Variants in MYO9A observed in about 807,000 individuals in gnomAD.
MYO9A encodes unconventional myosin-IXa.
A neutral mutation model predicts 293.3 loss-of-function variants in MYO9A; 103 were observed. That is an observed-to-expected ratio of 0.35 (90% CI 0.30 to 0.41). The LOEUF is 0.41. MYO9A is among the 10% of genes least tolerant of loss of function. The probability of loss-of-function intolerance (pLI) is 1.00; values close to 1 mark genes in which losing one functional copy is unlikely to be tolerated. For missense variants in MYO9A, 2,685 were observed against 3,033.0 expected (o/e 0.89, Z 2.69); for synonymous variants, 1,001 against 1,035.7 (o/e 0.97, Z 0.64).
intron 8 of MYO9A, among the ~76,000 whole-genome samples, chr15:72,002,391 A>T (rs759857390): frequency 2.6e-5 from 4 of 151,742 alleles, no homozygotes; most frequent in Non-Finnish European, 4.4e-5. Flanking sequence ...GGGATTAGAG[A>T]CGGGGTTTCA....
intron 1 of MYO9A, among the ~76,000 whole-genome samples, chr15:72,082,679 T>C (rs998835070): frequency 1.3e-5 from 2 of 152,002 alleles, no homozygotes; most frequent in African/African-American, 2.4e-5. Context: ...TGTGGGTCTG[T>C]CTTATTATTT....
intron 41 of MYO9A, among the ~76,000 whole-genome samples, chr15:71,827,658 A>ATTATATTTCTTATCCCC (rs754724067): frequency 1.3e-5 from 2 of 151,974 alleles, no homozygotes; most frequent in Non-Finnish European, 2.9e-5. Context: ...AGCAAAGACA[A>ATTATATTTCTTATCCCC]TTATATTTCT....
chr15:71,978,777 CTTT>C (rs11414149), intron 11 of MYO9A, among the ~76,000 whole-genome samples: 1 of 146,588 alleles, frequency 6.8e-6, no homozygotes, highest in Non-Finnish European at 1.5e-5. Context: ...ATCTTTAGGA[CTTT>C]TTTTTTTTTT....
At chr15:72,075,186 A>G in intron 1 of MYO9A, among the ~76,000 whole-genome samples, 1 of 151,804 alleles carries the variant, frequency 6.6e-6, no homozygotes, top group East Asian at 1.9e-4. Flanking sequence ...GGTTGGTCTC[A>G]AACTCCTGAC....
chr15:72,044,852 G>T (rs147323921), intron 2 of MYO9A, among the ~76,000 whole-genome samples: 272 of 152,156 alleles, frequency 1.8e-3, no homozygotes, highest in African/African-American at 5.8e-3. Context: ...CTTATAGGGG[G>T]ATATACAATG....
At chr15:71,852,299 A>T (rs767944377) in intron 35 of MYO9A, 39 bp from the exon 36 acceptor site, 4 of 1,553,972 alleles carry the variant, frequency 2.6e-6, no homozygotes, top group Non-Finnish European at 1.8e-6. Context: ...GAGCCAAAAC[A>T]TGCAAAGAGA....
intron 1 of MYO9A, among the ~76,000 whole-genome samples, chr15:72,049,151 T>C (rs1338486153): frequency 6.6e-6 from 1 of 152,208 alleles, no homozygotes; most frequent in East Asian, 1.9e-4. Context: ...CTTTTGTTTT[T>C]CATACAAACA....
At chr15:71,874,519 A>G (rs932640349) in intron 32 of MYO9A, among the ~76,000 whole-genome samples, 2 of 152,224 alleles carry the variant, frequency 1.3e-5, no homozygotes, top group African/African-American at 4.8e-5. Context: ...TTTGGGTTTC[A>G]TTCTGACAAA....
At chr15:71,846,625 G>GA (rs890288860) in intron 39 of MYO9A, among the ~76,000 whole-genome samples, 1 of 152,204 alleles carries the variant, frequency 6.6e-6, no homozygotes, top group African/African-American at 2.4e-5. Context: ...TGACAGGCTG[G>GA]AGTTAAGAGG....
At chr15:71,903,594 A>C (rs930910815) in intron 21 of MYO9A, among the ~76,000 whole-genome samples, 9 of 152,334 alleles carry the variant, frequency 5.9e-5, no homozygotes, top group African/African-American at 1.7e-4. Context: ...AACCAAATAG[A>C]ATCTTTTCAC....
intron 32 of MYO9A, among the ~76,000 whole-genome samples, chr15:71,875,401 CAA>C (rs2056653862): frequency 6.6e-6 from 1 of 151,998 alleles, no homozygotes; most frequent in African/African-American, 2.4e-5. Flanking sequence ...TAAACATGAA[CAA>C]TGATAAAATT....
intron 7 of MYO9A, among the ~76,000 whole-genome samples, chr15:72,008,840 T>C (rs1421549453): frequency 1.3e-5 from 2 of 152,152 alleles, no homozygotes. Context: ...ATGCAGTTAT[T>C]TTCTTAGAAT....
chr15:72,029,101 C>T (rs2077778970), intron 3 of MYO9A, among the ~76,000 whole-genome samples: 3 of 152,160 alleles, frequency 2.0e-5, no homozygotes, highest in Non-Finnish European at 4.4e-5. Flanking sequence ...AGTGAGTACA[C>T]AGCACAGAGT....
chr15:71,824,903 G>GTGTT lies in MYO9A; in HGVS notation c.*1673_*1676dup, dbSNP rs1397630001. Reference sequence around the variant, plus strand: ...CACTGAGGCAGTGGCGTGAGGTTCAGTGTTGTGTAACAGGAGAGAGAGACT... The same window carrying GTGTT: ...CACTGAGGCAGTGGCGTGAGGTTCAGTGTTTGTTGTGTAACAGGAGAGAGAGACT... On this transcript the variant is annotated 3_prime_UTR_variant, in exon 42 of 42. Transcript: ENST00000356056. 5.3e-5 allele frequency: 8 copies of GTGTT among 152,178 alleles called. No individual in the cohort carries two copies. The highest frequency in any genetic ancestry group is 1.9e-4 in the African/African-American group (8 of 41,440). The allele number at this position is 152,178 out of a possible 1,614,324, so 9.4% of individuals were successfully genotyped here.
At chr15:72,111,634 C>T (rs1396064070) in intron 1 of MYO9A, among the ~76,000 whole-genome samples, 1 of 103,382 alleles carries the variant, frequency 9.7e-6, no homozygotes, top group Admixed American at 1.2e-4. Context: ...AAATATTACC[C>T]CCAATTTTTT....
At chr15:72,101,222 C>T (rs1349176258) in intron 1 of MYO9A, among the ~76,000 whole-genome samples, 1 of 127,700 alleles carries the variant, frequency 7.8e-6, no homozygotes, top group African/African-American at 3.0e-5. Context: ...CCCGGCCAGC[C>T]GCCCCGTCCG....
At chr15:71,947,586 C>A (rs1322343239) in intron 15 of MYO9A, among the ~76,000 whole-genome samples, 2 of 152,172 alleles carry the variant, frequency 1.3e-5, no homozygotes, top group African/African-American at 2.4e-5. Flanking sequence ...GAGGGTTTCC[C>A]AGATATATCT....
At chr15:72,048,689 A>G (rs945263679) in intron 1 of MYO9A, among the ~76,000 whole-genome samples, 9 of 152,174 alleles carry the variant, frequency 5.9e-5, no homozygotes, top group Non-Finnish European at 1.2e-4. Context: ...GTTCTTTACA[A>G]ATTTTACCTT....
chr15:72,021,288 C>A (rs572636088), intron 4 of MYO9A, among the ~76,000 whole-genome samples: 1 of 152,270 alleles, frequency 6.6e-6, no homozygotes, highest in South Asian at 2.1e-4. Context: ...AGAAATCTGG[C>A]AAATCTGTCA....
Sources: allele counts gnomAD v4.1 joint callset (sites outside exome capture counted in the v4.1 genomes callset), GRCh38; gene constraint gnomAD v4.1.1; transcripts MANE v1.5; gene names NCBI Gene and HGNC (gene_info 2026-07-23, HGNC 2026-07-21).